Variants in SRGAP3 observed in about 807,000 individuals in gnomAD.
SRGAP3 encodes SLIT-ROBO Rho GTPase-activating protein 3.
Under a neutral mutation model 121.1 loss-of-function variants are expected in SRGAP3, and 39 were observed. The ratio of observed to expected loss-of-function variants is 0.32; its 90% CI spans 0.25 to 0.42. The LOEUF (loss-of-function observed/expected upper bound fraction) is 0.42. Among genes scored for constraint, SRGAP3 ranks in the 10% least tolerant of loss-of-function variants. The pLI, the probability that SRGAP3 is intolerant of heterozygous loss-of-function variation, is 1.00. For synonymous variants in SRGAP3, 601 were observed against 570.0 expected, an observed-to-expected ratio of 1.05 and a Z score of -0.77; for missense variants, 1,213 against 1,470.6, an observed-to-expected ratio of 0.82 and a Z score of 2.86.
At chr3:9,188,349 T>A (rs532269009) in intron 1 of SRGAP3, among the ~76,000 whole-genome samples, 4 of 152,356 alleles carry the variant, frequency 2.6e-5, no homozygotes, top group African/African-American at 9.6e-5. Flanking sequence ...CCATTTGTTA[T>A]GTTACACAAT....
chr3:9,014,543 C>T (rs527409630), intron 15 of SRGAP3, among the ~76,000 whole-genome samples: 2 of 152,302 alleles, frequency 1.3e-5, no homozygotes, highest in South Asian at 2.1e-4. Context: ...GCTCAGGGCC[C>T]TGTACAGGAA....
intron 3 of SRGAP3, among the ~76,000 whole-genome samples, chr3:9,305,176 T>G (rs1295602319): frequency 1.3e-5 from 2 of 152,108 alleles, no homozygotes; most frequent in East Asian, 3.9e-4. Flanking sequence ...GCTGCAGGTC[T>G]GCCACCAAAG....
intron 1 of SRGAP3, among the ~76,000 whole-genome samples, chr3:9,220,990 A>G (rs1363555257): frequency 6.6e-6 from 1 of 152,186 alleles, no homozygotes; most frequent in Non-Finnish European, 1.5e-5. Context: ...CGCTGGTGAC[A>G]GCATCTGCCT....
In SRGAP3 at chr3:8,992,705, C is replaced by CGCAG. The variant is rs1942130776; in HGVS notation, c.2558+200_2558+201insCTGC. On this transcript the variant is annotated intron_variant, in intron 20 of 21. Coordinates refer to ENST00000383836, the MANE Select transcript of SRGAP3 (RefSeq NM_014850.4). Reference sequence around the variant, plus strand: ...AACACATGTCTTTCCTCCTCCTCCTCCCTGCAACACAGGCTGGATGGTTCT... The same window carrying CGCAG: ...AACACATGTCTTTCCTCCTCCTCCTCGCAGCCTGCAACACAGGCTGGATGGTTCT... 3 of 758,266 alleles carry CGCAG rather than the reference C, an allele frequency of 4.0e-6. No individual in the cohort carries two copies. The Admixed American group carries it at 6.6e-5, about 17-fold the overall frequency. The allele number at this position is 758,266 out of a possible 1,614,324, so 47.0% of individuals were successfully genotyped here.
intron 4 of SRGAP3, among the ~76,000 whole-genome samples, chr3:9,072,997 C>T (rs561127640): frequency 9.1e-4 from 139 of 152,350 alleles, no homozygotes; most frequent in African/African-American, 3.2e-3. Flanking sequence ...GCTGCTCTGG[C>T]AGGCACAAGC....
chr3:9,080,570 A>T (rs900532743), intron 3 of SRGAP3, among the ~76,000 whole-genome samples: 6 of 152,168 alleles, frequency 3.9e-5, no homozygotes, highest in Non-Finnish European at 8.8e-5. Context: ...CTCCAGGAAA[A>T]ATCTCAGGTC....
chr3:9,237,059 C>A (rs1953439254), intron 1 of SRGAP3, among the ~76,000 whole-genome samples: 1 of 152,264 alleles, frequency 6.6e-6, no homozygotes, highest in African/African-American at 2.4e-5. Context: ...TACAATTATC[C>A]CATCTCTGGA....
chr3:9,195,564 C>T (rs1305969965), intron 1 of SRGAP3, among the ~76,000 whole-genome samples: 1 of 152,208 alleles, frequency 6.6e-6, no homozygotes, highest in Non-Finnish European at 1.5e-5. Context: ...TCCTCCCCCT[C>T]CCCATCCTTC....
chr3:9,125,082 T>C (rs1481551507), intron 1 of SRGAP3, 165 bp from the exon 2 acceptor site: 2 of 760,278 alleles, frequency 2.6e-6, no homozygotes, highest in African/African-American at 3.5e-5. Context: ...GGCAGAGCAT[T>C]GGCACAAAGA....
At chr3:9,156,744 A>C (rs913770963) in intron 1 of SRGAP3, among the ~76,000 whole-genome samples, 4 of 152,152 alleles carry the variant, frequency 2.6e-5, no homozygotes, top group Non-Finnish European at 5.9e-5. Flanking sequence ...AGTAGGGAAG[A>C]ACTGCACTGG....
intron 6 of SRGAP3, chr3:9,058,744 G>T: frequency 2.4e-6 from 1 of 422,886 alleles, no homozygotes; most frequent in Non-Finnish European, 4.3e-6. Flanking sequence ...TTTTGAGACG[G>T]AGTCTAGCTC....
At chr3:9,055,053 A>G (rs1436737134) in intron 8 of SRGAP3, among the ~76,000 whole-genome samples, 1 of 152,224 alleles carries the variant, frequency 6.6e-6, no homozygotes, top group African/African-American at 2.4e-5. Flanking sequence ...ACAATTTAAA[A>G]TCCTTTGGGG....
intron 3 of SRGAP3, among the ~76,000 whole-genome samples, chr3:9,325,006 G>A (rs1955494450): frequency 6.6e-6 from 1 of 151,708 alleles, no homozygotes; most frequent in South Asian, 2.1e-4. Flanking sequence ...TTAGGTGAGA[G>A]TGTAACCAAA....
chr3:9,132,710 T>C (rs1344891519), intron 1 of SRGAP3, among the ~76,000 whole-genome samples: 6 of 152,224 alleles, frequency 3.9e-5, no homozygotes, highest in African/African-American at 1.4e-4. Flanking sequence ...GTTATGAACA[T>C]CTGTATGCAG....
At chr3:9,159,623 T>C (rs1175581434) in intron 1 of SRGAP3, among the ~76,000 whole-genome samples, 3 of 151,008 alleles carry the variant, frequency 2.0e-5, no homozygotes, top group African/African-American at 4.8e-5. Flanking sequence ...AGTTTACCCA[T>C]ATAACAAACC....
chr3:9,296,191 T>C (rs746929520), intron 3 of SRGAP3, among the ~76,000 whole-genome samples: 1 of 152,264 alleles, frequency 6.6e-6, no homozygotes, highest in Non-Finnish European at 1.5e-5. Flanking sequence ...GGTGATTTTA[T>C]ATCTAATTTT....
At chr3:9,140,859 A>G (rs1400916241) in intron 1 of SRGAP3, among the ~76,000 whole-genome samples, 1 of 152,194 alleles carries the variant, frequency 6.6e-6, no homozygotes, top group Non-Finnish European at 1.5e-5. Flanking sequence ...TAAGACACTC[A>G]ATATCTATTG....
chr3:9,060,406 CG>C (rs1560040517), intron 5 of SRGAP3, 47 bp from the exon 6 acceptor site: 3 of 1,469,978 alleles, frequency 2.0e-6, no homozygotes, highest in Admixed American at 1.7e-5. Flanking sequence ...TTTAAGAGGA[CG>C]GGGTTTGTGA....
At chr3:9,274,100 C>G (rs954551735) in intron 3 of SRGAP3, among the ~76,000 whole-genome samples, 5 of 152,178 alleles carry the variant, frequency 3.3e-5, no homozygotes, top group African/African-American at 9.7e-5. Context: ...GAGACCATGT[C>G]CTAGCTATCT....
Sources: gnomAD v4.1 joint callset for allele counts (sites outside exome capture counted in the v4.1 genomes callset) on GRCh38, gnomAD v4.1.1 for gene constraint, MANE v1.5 for transcripts, NCBI Gene and HGNC (gene_info 2026-07-23, HGNC 2026-07-21) for gene names.